CRACDL: variants seen among roughly 807,000 people sequenced by gnomAD.
CRACDL encodes the protein CRACD like, also known as CRACD-like protein.
Under a neutral mutation model 70.6 loss-of-function variants are expected in CRACDL, and 26 were observed. That is an observed-to-expected ratio of 0.37 (90% confidence interval 0.27 to 0.51). CRACDL has a LOEUF of 0.51. Among genes scored for constraint, CRACDL ranks in the 20% least tolerant of loss-of-function variants. CRACDL has a pLI of 0.94. For missense variants in CRACDL, 1,283 were observed against 1,376.9 expected (o/e 0.93, Z 1.08); for synonymous variants, 618 against 615.2 (o/e 1.00, Z -0.07).
chr2:98,916,917 C>T (rs1385504829), intron 1 of CRACDL, among the ~76,000 whole-genome samples: 1 of 152,202 alleles, frequency 6.6e-6, no homozygotes, highest in Non-Finnish European at 1.5e-5. Context: ...CTTTGCTAAA[C>T]TGAGCCTAAA....
At chr2:98,835,460 G>A (rs1421902965) in intron 3 of CRACDL, among the ~76,000 whole-genome samples, 2 of 152,224 alleles carry the variant, frequency 1.3e-5, no homozygotes, top group African/African-American at 4.8e-5. Context: ...CATCAAAGAT[G>A]AATGGGGTCA....
intron 1 of CRACDL, among the ~76,000 whole-genome samples, chr2:98,934,286 C>T (rs1297890828): frequency 1.3e-5 from 2 of 150,234 alleles, no homozygotes; most frequent in Non-Finnish European, 2.9e-5. Context: ...GCAACCTCTA[C>T]GTCCCTGGTT....
rs1325820059 is a variant in CRACDL at position 98,864,193 on chromosome 2, T to C, written c.-10-17383A>G. On this transcript the variant is annotated intron_variant, in intron 1 of 9. Transcript: ENST00000397899. ...CTCTGGATAGATAGAATAAAAAACA[T>C]GTTACATATATGTAATGAAATATTA... Among the ~76,000 whole-genome samples, 3 of 152,090 alleles carry C rather than the reference T, an allele frequency of 2.0e-5. No individual in the cohort carries two copies. The East Asian group carries it at 5.8e-4, about 29-fold the overall frequency.
intron 1 of CRACDL, among the ~76,000 whole-genome samples, chr2:98,880,803 C>T (rs531346215): frequency 5.3e-5 from 8 of 152,260 alleles, no homozygotes; most frequent in African/African-American, 1.9e-4. Flanking sequence ...AGCCCCCAGC[C>T]GGGGGGCTTT....
At chr2:98,857,106 T>C (rs1441019250) in intron 1 of CRACDL, among the ~76,000 whole-genome samples, 1 of 152,208 alleles carries the variant, frequency 6.6e-6, no homozygotes, top group African/African-American at 2.4e-5. Flanking sequence ...TAATGGCATC[T>C]GTCTCTCCAG....
chr2:98,928,640 A>G (rs1393931290), intron 1 of CRACDL, among the ~76,000 whole-genome samples: 1 of 152,170 alleles, frequency 6.6e-6, no homozygotes, highest in African/African-American at 2.4e-5. Flanking sequence ...TCTGTTCTAG[A>G]ATGTGGTACC....
intron 1 of CRACDL, among the ~76,000 whole-genome samples, chr2:98,881,859 T>C (rs1044111607): frequency 5.3e-5 from 8 of 152,110 alleles, no homozygotes; most frequent in Admixed American, 4.6e-4. Flanking sequence ...GAGGTGCCTC[T>C]TCCAACACAG....
At chr2:98,812,061 C>T (rs1040450139) in intron 7 of CRACDL, among the ~76,000 whole-genome samples, 1 of 152,278 alleles carries the variant, frequency 6.6e-6, no homozygotes, top group Admixed American at 6.5e-5. Context: ...CTGCAACCTC[C>T]ACCTCCTGGG....
intron 1 of CRACDL, among the ~76,000 whole-genome samples, chr2:98,853,060 G>A (rs1440695445): frequency 2.9e-5 from 4 of 135,664 alleles, no homozygotes; most frequent in Non-Finnish European, 4.7e-5. Flanking sequence ...GGAAGGGGGG[G>A]CATTAAAAAT....
intron 1 of CRACDL, among the ~76,000 whole-genome samples, chr2:98,851,065 C>A (rs1405338248): frequency 6.6e-6 from 1 of 152,162 alleles, no homozygotes; most frequent in African/African-American, 2.4e-5. Context: ...TTAGTGTTCA[C>A]CCTACAGATT....
At chr2:98,811,442 G>A (rs1158324063) in intron 7 of CRACDL, among the ~76,000 whole-genome samples, 1 of 149,720 alleles carries the variant, frequency 6.7e-6, no homozygotes, top group Admixed American at 6.7e-5. Context: ...TCTGGGAGGC[G>A]GAGGCTGCAG....
chr2:98,812,407 A>C (rs1035682114), intron 7 of CRACDL, among the ~76,000 whole-genome samples: 1 of 152,242 alleles, frequency 6.6e-6, no homozygotes, highest in East Asian at 1.9e-4. Context: ...TTAATTTTAT[A>C]AGAAATTGCC....
At chr2:98,860,580 A>C (rs1157297570) in intron 1 of CRACDL, among the ~76,000 whole-genome samples, 1 of 152,216 alleles carries the variant, frequency 6.6e-6, no homozygotes, top group Non-Finnish European at 1.5e-5. Flanking sequence ...CATGCAAAAA[A>C]TAATGTGTAC....
intron 2 of CRACDL, among the ~76,000 whole-genome samples, chr2:98,845,203 T>C (rs1303778879): frequency 2.7e-5 from 4 of 150,254 alleles, no homozygotes; most frequent in Admixed American, 1.3e-4. Context: ...TCTTCTTCTT[T>C]TTTTTTTTTT....
intron 7 of CRACDL, among the ~76,000 whole-genome samples, chr2:98,804,950 G>A (rs79486758): frequency 6.6e-6 from 1 of 152,164 alleles, no homozygotes; most frequent in African/African-American, 2.4e-5. Context: ...CAATGAGAAC[G>A]GACTGGACCT....
At chr2:98,884,354 C>A (rs956378075) in intron 1 of CRACDL, among the ~76,000 whole-genome samples, 4 of 152,238 alleles carry the variant, frequency 2.6e-5, no homozygotes, top group Admixed American at 2.6e-4. Context: ...GTACCTATCA[C>A]ACTCTCTGCA....
rs1291478049 is a variant in CRACDL at position 98,823,407 on chromosome 2, C to G, written c.866G>C (p.Arg289Thr). 1 of 1,561,236 alleles carries G rather than the reference C, an allele frequency of 6.4e-7. No individual in the cohort carries two copies. The highest frequency in any genetic ancestry group is 8.6e-7 in the Non-Finnish European group (1 of 1,161,682). Residue 289 changes from arginine (R) to threonine (T), a missense_variant, in exon 7 of 10, where the codon AGA becomes ACA. Around this residue, in one of 2 missense-constraint regions of CRACDL, gnomAD observed 362 missense variants for 495.0 expected, o/e 0.73. Coordinates refer to ENST00000397899, the MANE Select transcript of CRACDL (RefSeq NM_207362.3). The surrounding 1 kb of genome is among the most constrained non-coding windows in gnomAD (Gnocchi z 4.0). ...SSGQQDVAPD[R>T]GPEPGPPAPL... ...CGCCGGTGGCCCAGGCTCAGGGCCTCTGTCTGGCGCCACGTCCTGCTGCCC... is the reference window on the plus strand; with the variant it reads ...CGCCGGTGGCCCAGGCTCAGGGCCTGTGTCTGGCGCCACGTCCTGCTGCCC...
At chr2:98,933,245 G>A (rs1037296178) in intron 1 of CRACDL, among the ~76,000 whole-genome samples, 5 of 152,136 alleles carry the variant, frequency 3.3e-5, no homozygotes, top group South Asian at 2.1e-4. Flanking sequence ...CTGGGGCACC[G>A]CAAGAGGACC....
chr2:98,879,477 A>G (rs2104612836), intron 1 of CRACDL, among the ~76,000 whole-genome samples: 1 of 152,344 alleles, frequency 6.6e-6, no homozygotes, highest in East Asian at 1.9e-4. Flanking sequence ...GACACAGAAC[A>G]ATATGGAAAT....
Sources: allele counts gnomAD v4.1 joint callset (sites outside exome capture counted in the v4.1 genomes callset), GRCh38; gene constraint gnomAD v4.1.1; regional missense constraint gnomAD v4.1.1; non-coding constraint Gnocchi (gnomAD v3.1); transcripts MANE v1.5; gene names NCBI Gene and HGNC (gene_info 2026-07-23, HGNC 2026-07-21).